CLSPN: variants seen among roughly 807,000 people sequenced by gnomAD.
The protein encoded by CLSPN is claspin homolog.
In CLSPN, 85 loss-of-function variants were observed where a neutral mutation model predicts 156.3. The observed-to-expected ratio is 0.54, with a 90% confidence interval of 0.46 to 0.65. The LOEUF (loss-of-function observed/expected upper bound fraction) is 0.65, where lower values mean the gene tolerates loss of function less well. Ranked by LOEUF, CLSPN falls within the 30% of genes least tolerant of loss-of-function variation. CLSPN has a pLI of 0.00. For missense variants in CLSPN, 1,407 were observed against 1,554.9 expected (o/e 0.90, Z 1.60); for synonymous variants, 534 against 542.4 (o/e 0.98, Z 0.22).
chr1:35,761,609 G>A (rs923895128), intron 6 of CLSPN, among the ~76,000 whole-genome samples: 3 of 152,032 alleles, frequency 2.0e-5, no homozygotes, highest in Non-Finnish European at 4.4e-5. Context: ...GGCTACTAAC[G>A]GACTAACAGG....
intron 9 of CLSPN, among the ~76,000 whole-genome samples, 196 bp downstream of exon 9, chr1:35,753,549 T>TA (rs892436932): frequency 1.7e-4 from 26 of 149,410 alleles, no homozygotes; most frequent in East Asian, 5.9e-4. Flanking sequence ...AAATGATATC[T>TA]AAAAAAAAAA....
intron 24 of CLSPN, among the ~76,000 whole-genome samples, chr1:35,724,021 A>G (rs573126554): frequency 6.6e-6 from 1 of 152,306 alleles, no homozygotes; most frequent in South Asian, 2.1e-4. Context: ...AGAGTGGGCT[A>G]TAACAATGTA....
At chr1:35,754,065 A>C in intron 8 of CLSPN, 129 bp from the exon 9 acceptor site, 1 of 680,750 alleles carries the variant, frequency 1.5e-6, no homozygotes, top group Non-Finnish European at 2.4e-6. Context: ...GAAACCAAAA[A>C]CCCCTTGCTA....
At chr1:35,728,077 CTTTTTTTT>C (rs59275877), downstream of CLSPN, among the ~76,000 whole-genome samples, 3 of 103,982 alleles carry the variant, frequency 2.9e-5, no homozygotes, top group South Asian at 6.4e-4. Flanking sequence ...AAACCACAAG[CTTTTTTTT>C]TTTTTTTTTT....
At position 35,749,547 on chromosome 1, in the gene CLSPN, G is replaced by C; in HGVS notation, c.2208-16C>G. The C allele has an allele frequency of 6.2e-7, 1 of 1,614,062 alleles. No individual in the cohort carries two copies. Among genetic ancestry groups the C allele is most frequent in the Non-Finnish European group, 8.5e-7 (1 of 1,179,972 alleles). ...AGGAAAGTAACTGCAAAATAAGAAA[G>C]TAAATTGGTTCAGTATCTGTTCCTA... On this transcript the variant is annotated splice_polypyrimidine_tract_variant and intron_variant, in intron 11 of 24. Coordinates refer to ENST00000318121, the MANE Select transcript of CLSPN (RefSeq NM_022111.4).
chr1:35,721,797 G>C (rs12129084), intron 24 of CLSPN, among the ~76,000 whole-genome samples: 149,643 of 152,182 alleles, frequency 0.98, 73,624 homozygotes, highest in East Asian at 1. Context: ...ACCTCTTCTT[G>C]TTATGCATTC....
chr1:35,720,865 T>C, exon 25 of CLSPN: 1 of 1,559,560 alleles, frequency 6.4e-7, no homozygotes, highest in Non-Finnish European at 8.8e-7. Flanking sequence ...CTTCTCCGCC[T>C]CTCTTTGGAC....
Position 35,760,366 on chromosome 1 carries a change from T to C in CLSPN, c.1555A>G (p.Ile519Val), listed in dbSNP as rs1009738401. ...CCTCTGTTGGTTTCAGGTTCAAGTA[T>C]CACAAAGGAATCTTCATCAGCACCT... The part of the protein sequence containing the change: ...RLGADEDSFV[I>V]LEPETNRELE... The change falls in exon 8 of 25, where the codon ATA (isoleucine) becomes GTA (valine). Residue 519 changes from isoleucine (I) to valine (V), a missense_variant. Around this residue, in one of 3 missense-constraint regions of CLSPN, gnomAD observed 1,096 missense variants for 1,193.0 expected, o/e 0.92. Transcript: ENST00000318121. 4 of 1,613,710 alleles carry C rather than the reference T, an allele frequency of 2.5e-6. No individual in the cohort carries two copies. Among genetic ancestry groups the C allele is most frequent in the Admixed American group, 1.7e-5 (1 of 59,984 alleles).
chr1:35,728,983 C>CACACACACACCCA (rs1484321468), downstream of CLSPN, among the ~76,000 whole-genome samples: 1 of 145,426 alleles, frequency 6.9e-6, no homozygotes, highest in East Asian at 2.0e-4. Context: ...CACACACACG[C>CACACACACACCCA]CTTTCCTGCT....
downstream of CLSPN, among the ~76,000 whole-genome samples, chr1:35,730,447 G>A (rs1641285716): frequency 6.6e-6 from 1 of 151,862 alleles, no homozygotes; most frequent in Non-Finnish European, 1.5e-5. Flanking sequence ...GTGCACACCT[G>A]TAACCCCAGC....
rs750217472 is a variant in CLSPN, at chr1:35,764,401, C to T, written c.447G>A (p.Lys149=). Residue 149 remains lysine, a synonymous_variant, in exon 3 of 25, where the codon AAG becomes AAA. Transcript: ENST00000318121. ...GNSTDFTTDR[K]SSKKHIHDKE... ...TATCATGTATGTGCTTTTTGGAACT[C>T]TTTCTGTCAGTGGTAAAGTCTGTAG... 6.2e-7 allele frequency: 1 copy of T among 1,613,734 alleles called. No individual in the cohort carries two copies. Among genetic ancestry groups the T allele is most frequent in the Non-Finnish European group, 8.5e-7 (1 of 1,179,926 alleles).
rs559931760 is a variant in CLSPN at position 35,753,612 on chromosome 1, C to A, written c.1771+133G>T. The A allele has an allele frequency of 1.9e-3, 1,500 of 792,544 alleles. 5 individuals carry two copies. The highest frequency in any genetic ancestry group is 2.8e-3 in the Admixed American group (100 of 36,110). The allele number at this position is 792,544 out of a possible 1,614,324, so 49.1% of individuals were successfully genotyped here. ...CTAGGTGTGCTACACGTGAATCATG[C>A]CAGAGATACTGCTCTGCAAAGCCTC... is the stretch of plus-strand genomic sequence containing the variant. On this transcript the variant is annotated intron_variant, in intron 9 of 24. Transcript: ENST00000318121.
intron 9 of CLSPN, 99 bp downstream of exon 9, chr1:35,753,646 A>T: frequency 8.4e-7 from 1 of 1,184,104 alleles, no homozygotes; most frequent in Non-Finnish European, 1.2e-6. Context: ...TCCAAGGAAA[A>T]AGATTCTATA....
chr1:35,755,784 C>A (rs1642254119), intron 8 of CLSPN, among the ~76,000 whole-genome samples: 1 of 152,180 alleles, frequency 6.6e-6, no homozygotes. Context: ...TCACAGCTCA[C>A]TGCAACCTTG....
At chr1:35,745,730 A>T (rs915269233) in intron 15 of CLSPN, among the ~76,000 whole-genome samples, 168 bp from the exon 16 acceptor site, 12 of 152,218 alleles carry the variant, frequency 7.9e-5, no homozygotes, top group Admixed American at 6.5e-4. Flanking sequence ...ACTATGTGCC[A>T]TATGTGCCAG....
At chr1:35,728,372 A>T (rs1405728010), downstream of CLSPN, among the ~76,000 whole-genome samples, 1 of 152,100 alleles carries the variant, frequency 6.6e-6, no homozygotes, top group East Asian at 1.9e-4. Flanking sequence ...ATGTGCCACC[A>T]TGCCTGGCCC....
In CLSPN at chr1:35,745,504, A is replaced by T; in HGVS notation, c.2913T>A (p.Gly971=). Reference sequence around the variant, plus strand: ...GAGCAAGTGCTTCTTCCATTGGATCACCCATGCTGCTCTCCTTCTCCTGTT... The same window carrying T: ...GAGCAAGTGCTTCTTCCATTGGATCTCCCATGCTGCTCTCCTTCTCCTGTT... ...LNKQEKESSM[G]DPMEEALALC... The change falls in exon 16 of 25, where the codon GGT becomes GGA. Residue 971 remains glycine (G), a synonymous_variant. Transcript: ENST00000318121. 6.2e-7 allele frequency: 1 copy of T among 1,614,074 alleles called. No individual in the cohort carries two copies. The highest frequency in any genetic ancestry group is 8.5e-7 in the Non-Finnish European group (1 of 1,179,980).
Position 35,734,192 on chromosome 1 carries a change from C to T in CLSPN, c.*2304G>A. ...ATGGAGATAACCTGAAAATGAAATG[C>T]TCCTCAAGGTTAGACAGGCACTGAC... On this transcript the variant is annotated 3_prime_UTR_variant, in exon 25 of 25. Coordinates refer to ENST00000318121, the MANE Select transcript of CLSPN (RefSeq NM_022111.4). 1.0e-6 allele frequency: 1 copy of T among 985,372 alleles called. No individual in the cohort carries two copies. Among genetic ancestry groups the T allele is most frequent in the Non-Finnish European group, 1.2e-6 (1 of 829,916 alleles). 61.0% of individuals were successfully genotyped at this position (985,372 alleles called of 1,614,324 possible).
intron 4 of CLSPN, 73 bp downstream of exon 4, chr1:35,763,087 C>T: frequency 2.4e-6 from 3 of 1,253,292 alleles, no homozygotes; most frequent in South Asian, 2.3e-5. Flanking sequence ...ATTAAGGTTC[C>T]AACAGTAAAT....
Sources: gnomAD v4.1 joint callset for allele counts (sites outside exome capture counted in the v4.1 genomes callset) on GRCh38, gnomAD v4.1.1 for gene constraint, gnomAD v4.1.1 regional missense constraint, MANE v1.5 for transcripts, NCBI Gene and HGNC (gene_info 2026-07-23, HGNC 2026-07-21) for gene names.